Variants in FER1L6 observed in about 807,000 individuals in gnomAD.
The protein encoded by FER1L6 is fer-1-like protein 6.
In FER1L6, 177 loss-of-function variants were observed where a neutral mutation model predicts 219.2. That is an observed-to-expected ratio of 0.81 (90% CI 0.71 to 0.91). The LOEUF (loss-of-function observed/expected upper bound fraction) is 0.91. FER1L6 is among the 40% of genes least tolerant of loss of function. The pLI is 0.00. For missense variants in FER1L6, 2,153 were observed against 2,259.9 expected (o/e 0.95, Z 0.96); for synonymous variants, 768 against 824.3 (o/e 0.93, Z 1.17).
Position 123,973,505 on chromosome 8 carries a change from C to T in FER1L6, c.519C>T (p.Asn173=), listed in dbSNP as rs372022435. ...SFKVDLGTVY[N]QPGHQFCNKW... Reference sequence around the variant, plus strand: ...AAGTAGACCTGGGGACCGTGTACAACCAACCTGGTAAGAAAACATCACCTC... The same window carrying T: ...AAGTAGACCTGGGGACCGTGTACAATCAACCTGGTAAGAAAACATCACCTC... The change falls in exon 7 of 41, where the codon AAC becomes AAT. Residue 173 remains asparagine, a synonymous_variant. Coordinates refer to ENST00000522917, the MANE Select transcript of FER1L6 (RefSeq NM_001039112.2). The T allele has an allele frequency of 3.7e-6, 6 of 1,612,358 alleles. No individual in the cohort carries two copies. The highest frequency in any genetic ancestry group is 1.7e-5 in the Admixed American group (1 of 59,986).
At chr8:124,021,161 A>T (rs752648043) in intron 16 of FER1L6, among the ~76,000 whole-genome samples, 1 of 152,160 alleles carries the variant, frequency 6.6e-6, no homozygotes, top group Non-Finnish European at 1.5e-5. Context: ...AAACGCCTCC[A>T]TGATTAAATT....
intron 33 of FER1L6, among the ~76,000 whole-genome samples, chr8:124,087,155 A>C (rs1821818694): frequency 6.6e-6 from 1 of 152,052 alleles, no homozygotes; most frequent in Admixed American, 6.6e-5. Context: ...CTCTTTGAAT[A>C]AACTTTCTAC....
chr8:123,918,888 A>G (rs1055736553), intron 1 of FER1L6, among the ~76,000 whole-genome samples: 1 of 152,126 alleles, frequency 6.6e-6, no homozygotes, highest in African/African-American at 2.4e-5. Flanking sequence ...AGTGCCCCTC[A>G]GGGTCAGGCG....
intron 2 of FER1L6, among the ~76,000 whole-genome samples, chr8:123,956,437 G>A (rs1316325723): frequency 6.6e-6 from 1 of 152,194 alleles, no homozygotes; most frequent in Admixed American, 6.5e-5. Context: ...CACAGCTGTG[G>A]GGAAGATCAA....
intron 1 of FER1L6, among the ~76,000 whole-genome samples, chr8:123,855,466 G>A (rs1816615750): frequency 6.6e-6 from 1 of 152,072 alleles, no homozygotes; most frequent in Non-Finnish European, 1.5e-5. Flanking sequence ...AGAGCAGAGG[G>A]TTGGTTAGAG....
intron 1 of FER1L6, among the ~76,000 whole-genome samples, chr8:123,944,428 C>G (rs1169568555): frequency 6.6e-6 from 1 of 151,840 alleles, no homozygotes; most frequent in Non-Finnish European, 1.5e-5. Flanking sequence ...AGACCCGGCT[C>G]TGCCCTCAGC....
intron 35 of FER1L6, among the ~76,000 whole-genome samples, chr8:124,096,529 G>C (rs1822300194): frequency 6.6e-6 from 1 of 152,088 alleles, no homozygotes; most frequent in African/African-American, 2.4e-5. Context: ...GTATACAACA[G>C]AGCTTAGCAT....
intron 13 of FER1L6, among the ~76,000 whole-genome samples, chr8:124,009,706 G>A (rs545016894): frequency 6.6e-6 from 1 of 152,124 alleles, no homozygotes; most frequent in Non-Finnish European, 1.5e-5. Flanking sequence ...GGGAGGTCCA[G>A]GAAGGAGCTG....
chr8:124,001,319 G>C lies in FER1L6; in HGVS notation c.1520-1848G>C, dbSNP rs192591389. Among the ~76,000 whole-genome samples the C allele has an allele frequency of 6.2e-4, 95 of 152,192 alleles. 1 individual carries two copies. Among genetic ancestry groups the C allele is most frequent in the Non-Finnish European group, 2.4e-4 (16 of 68,020 alleles). The stretch of plus-strand genomic sequence containing the variant: ...TTTCTTCTGTTTCAGTTTCATCTCT[G>C]TCCATCTCAGACTACAAGTTTCATC... On this transcript the variant is annotated intron_variant, in intron 12 of 40. Transcript: ENST00000522917.
rs1265043464 is a variant in FER1L6, at chr8:124,069,382, G to T, written c.3741G>T (p.Val1247=). Residue 1247 remains valine, a synonymous_variant, in exon 29 of 41, where the codon GTG becomes GTT. Coordinates refer to ENST00000522917, the MANE Select transcript of FER1L6 (RefSeq NM_001039112.2). ...CAGAGGCAAAGCCAGATGAGGTAGT[G>T]GTAGATATAGAAGATGGGCCAAAGA... The part of the protein sequence containing the change: ...GNTEAKPDEV[V]VDIEDGPKKK... 1.2e-6 allele frequency: 2 copies of T among 1,612,432 alleles called. No homozygotes were observed. Among genetic ancestry groups the T allele is most frequent in the African/African-American group, 2.7e-5 (2 of 74,802 alleles).
At position 124,070,469 on chromosome 8, in the gene FER1L6, A is replaced by G. The variant is rs1240929059; in HGVS notation, c.3837A>G (p.Ile1279Met). 5 of 1,613,404 alleles carry G rather than the reference A, an allele frequency of 3.1e-6. No homozygotes were observed. In the Admixed American group the frequency reaches 5.0e-5, roughly 16 times the overall value. Residue 1279 changes from isoleucine to methionine, a missense_variant and splice_region_variant, in exon 30 of 41, where the codon ATA becomes ATG. Ile to Met is a conservative substitution (Grantham distance 10). Coordinates refer to ENST00000522917, the MANE Select transcript of FER1L6 (RefSeq NM_001039112.2). ...AATCTTCTCCCTTTTCCCTAAAGAT[A>G]TATGACGGTGATCTCGAGAGTGAAT... Reference protein sequence around the residue: ...DGIPNLAILQIYDGDLESEFN... With the variant: ...DGIPNLAILQMYDGDLESEFN...
intron 28 of FER1L6, among the ~76,000 whole-genome samples, chr8:124,069,157 C>T (rs536845859): frequency 2.6e-5 from 4 of 151,992 alleles, no homozygotes; most frequent in East Asian, 1.9e-4. Context: ...AGGATGGTCT[C>T]GATCTCCTGA....
Position 123,855,977 on chromosome 8 carries a change from A to G in FER1L6, c.-8+3792A>G, listed in dbSNP as rs10097359. Reference sequence around the variant, plus strand: ...ATATATATTACAGATATACATATGTATATGAGATATATGTATATACATATG... The same window carrying G: ...ATATATATTACAGATATACATATGTGTATGAGATATATGTATATACATATG... On this transcript the variant is annotated intron_variant, in intron 1 of 40. Transcript: ENST00000522917. Among the ~76,000 whole-genome samples the G allele has an allele frequency of 1.6e-4, 23 of 142,406 alleles. 1 individual carries two copies. Among genetic ancestry groups the G allele is most frequent in the African/African-American group, 3.9e-4 (15 of 38,520 alleles). 93.4% of individuals were successfully genotyped at this position (142,406 alleles called of 152,430 possible).
At chr8:123,891,397 A>G (rs1812646239) in intron 1 of FER1L6, among the ~76,000 whole-genome samples, 1 of 152,092 alleles carries the variant, frequency 6.6e-6, no homozygotes, top group Non-Finnish European at 1.5e-5. Flanking sequence ...TGAAGTTCCA[A>G]AACTGAGATT....
chr8:124,079,729 T>G (rs1821453872), intron 32 of FER1L6, among the ~76,000 whole-genome samples: 1 of 152,142 alleles, frequency 6.6e-6, no homozygotes, highest in African/African-American at 2.4e-5. Flanking sequence ...GATATAAAAT[T>G]GCCTGTATGA....
chr8:124,071,634 G>A lies in FER1L6; in HGVS notation c.4092+3G>A, dbSNP rs1025689055. 15 of 1,611,434 alleles carry A rather than the reference G, an allele frequency of 9.3e-6. No individual in the cohort carries two copies. The highest frequency in any genetic ancestry group is 1.3e-5 in the Non-Finnish European group (15 of 1,177,918). ...TGATCAGAGTATACATTGTCGCGGTGAGCCATTCTTGTTTGCTCTGAGGGG... is the reference window on the plus strand; with the variant it reads ...TGATCAGAGTATACATTGTCGCGGTAAGCCATTCTTGTTTGCTCTGAGGGG... On this transcript the variant is annotated splice_donor_region_variant and intron_variant, in intron 31 of 40. Coordinates refer to ENST00000522917, the MANE Select transcript of FER1L6 (RefSeq NM_001039112.2).
intron 12 of FER1L6, 38 bp from the exon 13 acceptor site, chr8:124,003,128 CA>C: frequency 6.3e-7 from 1 of 1,575,988 alleles, no homozygotes; most frequent in South Asian, 1.2e-5. Context: ...TTCTGATTAC[CA>C]CCACCTGACC....
At position 124,119,985 on chromosome 8, in the gene FER1L6, T is replaced by C. The variant is rs1823420779; in HGVS notation, c.*195T>C. The C allele has an allele frequency of 3.8e-6, 2 of 531,914 alleles. No homozygotes were observed. The highest frequency in any genetic ancestry group is 3.0e-5 in the East Asian group (1 of 33,096). The allele number at this position is 531,914 out of a possible 1,614,324, so 32.9% of individuals were successfully genotyped here. A position where few individuals can be genotyped will look rare whatever the true frequency, so the allele number is the denominator to read the frequency against. ...CTCCAAGTTTCAAACTTGTAAGGCA[T>C]GTTTTATCCCTTGGGCAGCATGAAA... is the stretch of plus-strand genomic sequence containing the variant. On this transcript the variant is annotated 3_prime_UTR_variant, in exon 41 of 41. Coordinates refer to ENST00000522917, the MANE Select transcript of FER1L6 (RefSeq NM_001039112.2).
At chr8:124,086,594 T>A (rs1821794931) in intron 33 of FER1L6, among the ~76,000 whole-genome samples, 1 of 152,230 alleles carries the variant, frequency 6.6e-6, no homozygotes, top group South Asian at 2.1e-4. Flanking sequence ...GTTCATATGT[T>A]CATCTTTCCA....
Sources: gnomAD v4.1 joint callset for allele counts (sites outside exome capture counted in the v4.1 genomes callset) on GRCh38, gnomAD v4.1.1 for gene constraint, MANE v1.5 for transcripts, NCBI Gene and HGNC (gene_info 2026-07-23, HGNC 2026-07-21) for gene names.